Variants in PTPRK observed in about 807,000 individuals in gnomAD.
PTPRK encodes the protein protein tyrosine phosphatase receptor type K.
Under a neutral mutation model 178.0 loss-of-function variants are expected in PTPRK, and 75 were observed. That is an observed-to-expected ratio of 0.42 (90% CI 0.35 to 0.51). The LOEUF (loss-of-function observed/expected upper bound fraction) is 0.51, where lower values mean the gene tolerates loss of function less well. Ranked by LOEUF, PTPRK falls within the 20% of genes least tolerant of loss-of-function variation. The probability of loss-of-function intolerance (pLI) is 0.02; values close to 1 mark genes in which losing one functional copy is unlikely to be tolerated. For synonymous variants in PTPRK, 637 were observed against 620.6 expected, an observed-to-expected ratio of 1.03 and a Z score of -0.39; for missense variants, 1,441 against 1,797.8, an observed-to-expected ratio of 0.80 and a Z score of 3.59.
chr6:128,429,154 T>A (rs1844521588), intron 1 of PTPRK, among the ~76,000 whole-genome samples: 1 of 152,216 alleles, frequency 6.6e-6, no homozygotes, highest in South Asian at 2.1e-4. Context: ...ACTTAGCTTA[T>A]GTGTGTGTCA....
At chr6:128,358,704 A>G (rs1256951261) in intron 2 of PTPRK, among the ~76,000 whole-genome samples, 1 of 152,206 alleles carries the variant, frequency 6.6e-6, no homozygotes, top group Non-Finnish European at 1.5e-5. Flanking sequence ...AAAGCAAATA[A>G]TTAACTTGAT....
chr6:128,065,005 T>C (rs1048732605), intron 12 of PTPRK, among the ~76,000 whole-genome samples: 3 of 152,202 alleles, frequency 2.0e-5, no homozygotes, highest in Non-Finnish European at 4.4e-5. Context: ...TTAGTTTTTA[T>C]AGAGATGTAA....
intron 5 of PTPRK, chr6:128,232,280 C>A (rs1401084771): frequency 6.6e-6 from 1 of 152,246 alleles, no homozygotes; most frequent in East Asian, 1.9e-4. Flanking sequence ...ATGATTTCAC[C>A]AAATACTCCA....
intron 2 of PTPRK, chr6:128,340,829 G>T (rs776754219): frequency 6.6e-6 from 3 of 452,656 alleles, no homozygotes; most frequent in South Asian, 1.7e-5. Context: ...AACATCATTT[G>T]AGTTAATGTC....
intron 2 of PTPRK, among the ~76,000 whole-genome samples, chr6:128,389,351 T>A (rs1049052843): frequency 2.1e-4 from 32 of 151,610 alleles, no homozygotes; most frequent in African/African-American, 7.5e-4. Context: ...ATCATATATA[T>A]TTTTAATAAT....
intron 13 of PTPRK, among the ~76,000 whole-genome samples, chr6:128,031,640 A>T (rs924887918): frequency 1.3e-4 from 20 of 152,214 alleles, no homozygotes; most frequent in Middle Eastern, 3.4e-3. Context: ...AAATCAATTT[A>T]AAAAAAATCA....
chr6:128,423,525 CT>C (rs1046941239), intron 1 of PTPRK, among the ~76,000 whole-genome samples: 26 of 152,048 alleles, frequency 1.7e-4, no homozygotes, highest in African/African-American at 6.0e-4. Flanking sequence ...TTTATTTGAA[CT>C]TTTTTCAAAA....
intron 3 of PTPRK, among the ~76,000 whole-genome samples, chr6:128,249,807 G>A (rs1301272535): frequency 1.3e-5 from 2 of 152,084 alleles, no homozygotes; most frequent in Non-Finnish European, 2.9e-5. Context: ...CCAGTGGAAG[G>A]TAATAATAAG....
chr6:128,121,461 C>G (rs1477960886), intron 7 of PTPRK, among the ~76,000 whole-genome samples: 1 of 151,834 alleles, frequency 6.6e-6, no homozygotes, highest in Non-Finnish European at 1.5e-5. Context: ...TCCAGGTTTT[C>G]AAATATTTCT....
intron 2 of PTPRK, among the ~76,000 whole-genome samples, chr6:128,371,368 TATG>T (rs1197864140): frequency 1.3e-5 from 2 of 152,248 alleles, no homozygotes; most frequent in Non-Finnish European, 2.9e-5. Flanking sequence ...CTTGTTAGCA[TATG>T]ATAATTTTAC....
chr6:128,277,133 T>C lies in PTPRK; in HGVS notation c.496-34531A>G, dbSNP rs144667195. Reference sequence around the variant, plus strand: ...TCAGTCTGAAAGAAAAAAAAAAAAGTCTCACTAACATGAAAACAGCTGTCT... The same window carrying C: ...TCAGTCTGAAAGAAAAAAAAAAAAGCCTCACTAACATGAAAACAGCTGTCT... On this transcript the variant is annotated intron_variant, in intron 3 of 29. Transcript: ENST00000368226. Among the ~76,000 whole-genome samples, 560 of 150,532 alleles carry C rather than the reference T, an allele frequency of 3.7e-3. 3 individuals carry two copies. Among genetic ancestry groups the C allele is most frequent in the African/African-American group, 0.013 (530 of 41,148 alleles).
chr6:128,343,956 T>G (rs2128333232), intron 2 of PTPRK, among the ~76,000 whole-genome samples: 1 of 152,332 alleles, frequency 6.6e-6, no homozygotes, highest in East Asian at 1.9e-4. Context: ...GCATCAGAAC[T>G]TATAAGTTAA....
chr6:128,483,117 A>G (rs1852313242), intron 1 of PTPRK, among the ~76,000 whole-genome samples: 1 of 152,122 alleles, frequency 6.6e-6, no homozygotes, highest in African/African-American at 2.4e-5. Context: ...CAATTTATCT[A>G]TTTATTTTCA....
At position 128,055,522 on chromosome 6, in the gene PTPRK, C is replaced by G. The variant is rs528558816; in HGVS notation, c.2194+9236G>C. 4.6e-5 allele frequency among the ~76,000 whole-genome samples: 7 copies of G among 151,904 alleles called. No homozygotes were observed. In the South Asian group the frequency reaches 1.5e-3, roughly 32 times the overall value. On this transcript the variant is annotated intron_variant, in intron 13 of 29. Coordinates refer to ENST00000368226, the MANE Select transcript of PTPRK (RefSeq NM_002844.4). ...CATTTATACATTTTTTTTCTATCTC[C>G]TCTTCATTTTCTTAATGTCTTTGTA...
intron 2 of PTPRK, among the ~76,000 whole-genome samples, chr6:128,325,631 C>T (rs536128219): frequency 2.0e-4 from 31 of 152,186 alleles, no homozygotes; most frequent in African/African-American, 6.3e-4. Context: ...TACCATCTCA[C>T]GCCAGTTAGA....
At chr6:128,125,837 T>C (rs987813651) in intron 7 of PTPRK, among the ~76,000 whole-genome samples, 2 of 151,956 alleles carry the variant, frequency 1.3e-5, no homozygotes, top group Non-Finnish European at 2.9e-5. Flanking sequence ...CTCGAACCCC[T>C]GACCTCATGA....
At chr6:128,085,730 G>T (rs1785672328) in intron 8 of PTPRK, among the ~76,000 whole-genome samples, 1 of 152,152 alleles carries the variant, frequency 6.6e-6, no homozygotes, top group Non-Finnish European at 1.5e-5. Flanking sequence ...CAGTTTTTCT[G>T]TTTTGACAAT....
At chr6:128,333,484 TA>T (rs547906006) in intron 2 of PTPRK, among the ~76,000 whole-genome samples, 5 of 151,590 alleles carry the variant, frequency 3.3e-5, no homozygotes, top group East Asian at 1.9e-4. Context: ...GCATCATGTC[TA>T]AAAAAAAGGT....
At chr6:128,199,730 GC>G (rs1346257973) in intron 6 of PTPRK, among the ~76,000 whole-genome samples, 12 of 152,256 alleles carry the variant, frequency 7.9e-5, no homozygotes, top group African/African-American at 2.9e-4. Flanking sequence ...AACATTTAAA[GC>G]CAGCATGTAT....
Sources: allele counts gnomAD v4.1 joint callset (sites outside exome capture counted in the v4.1 genomes callset), GRCh38; gene constraint gnomAD v4.1.1; transcripts MANE v1.5; gene names NCBI Gene and HGNC (gene_info 2026-07-23, HGNC 2026-07-21).